EIF4A3: variants seen among roughly 807,000 people sequenced by gnomAD.
The protein encoded by EIF4A3 is eukaryotic initiation factor 4A-III.
In EIF4A3, 1 loss-of-function variant was observed where a neutral mutation model predicts 55.6. That is an observed-to-expected ratio of 0.02 (90% CI 0.01 to 0.09). The LOEUF is 0.09. EIF4A3 is among the 10% of genes least tolerant of loss of function. The pLI, the probability that EIF4A3 is intolerant of heterozygous loss-of-function variation, is 1.00. For synonymous variants in EIF4A3, 194 were observed against 196.3 expected (o/e 0.99, Z 0.10); for missense variants, 221 against 540.7 (o/e 0.41, Z 5.86).
chr17:80,141,890 G>C lies in EIF4A3; in HGVS notation c.243-42C>G, dbSNP rs2039621690. 4.5e-6 allele frequency: 7 copies of C among 1,564,522 alleles called. No homozygotes were observed. The African/African-American group carries it at 6.8e-5, about 15-fold the overall frequency. On this transcript the variant is annotated intron_variant, in intron 2 of 11. Coordinates refer to ENST00000649764, the MANE Select transcript of EIF4A3 (RefSeq NM_014740.4). Reference sequence around the variant, plus strand: ...AAGCAGTGGGATTAGAGGGAGGACAGGCCACGCCACAGCTGCACTCCAAGG... The same window carrying C: ...AAGCAGTGGGATTAGAGGGAGGACACGCCACGCCACAGCTGCACTCCAAGG...
chr17:80,141,606 C>T, intron 3 of EIF4A3, 176 bp downstream of exon 3: 5 of 735,292 alleles, frequency 6.8e-6, no homozygotes, highest in Admixed American at 2.9e-5. Context: ...AATAGAAAAT[C>T]ATGACAGAAT....
chr17:80,146,695 G>C, intron 1 of EIF4A3, 98 bp downstream of exon 1: 1 of 1,407,092 alleles, frequency 7.1e-7, no homozygotes, highest in East Asian at 2.7e-5. Flanking sequence ...ACGACCTCCG[G>C]AGCGCAGGGC....
At chr17:80,141,661 T>C in intron 3 of EIF4A3, 121 bp downstream of exon 3, 1 of 960,064 alleles carries the variant, frequency 1.0e-6, no homozygotes, top group Non-Finnish European at 1.5e-6. Flanking sequence ...GTGTAAAAAT[T>C]TGCTGAGTCA....
At chr17:80,144,053 G>C (rs2144001092) in intron 2 of EIF4A3, 119 bp downstream of exon 2, 1 of 939,984 alleles carries the variant, frequency 1.1e-6, no homozygotes, top group Non-Finnish European at 1.7e-6. Flanking sequence ...GCTAAAGTCA[G>C]GGAAAGTGTT....
At chr17:80,140,370 G>A (rs1438750995) in intron 4 of EIF4A3, 2 of 387,348 alleles carry the variant, frequency 5.2e-6, no homozygotes, top group Non-Finnish European at 8.7e-6. Context: ...CTGGGGGGCA[G>A]CAGCGCAATC....
Position 80,134,522 on chromosome 17 carries a change from A to C in EIF4A3, c.*968T>G, listed in dbSNP as rs909665504. Among the ~76,000 whole-genome samples the C allele has an allele frequency of 1.3e-5, 2 of 151,732 alleles. No homozygotes were observed. Among genetic ancestry groups the C allele is most frequent in the African/African-American group, 4.8e-5 (2 of 41,254 alleles). On this transcript the variant is annotated 3_prime_UTR_variant, in exon 12 of 12. Coordinates refer to ENST00000649764, the MANE Select transcript of EIF4A3 (RefSeq NM_014740.4). ...CTGGGCTCTCAAAAAAACAACAAAA[A>C]AAAAAAATTAGAAAAATGAGGCCAG... is the stretch of plus-strand genomic sequence containing the variant.
intron 11 of EIF4A3, 200 bp from the exon 12 acceptor site, chr17:80,135,706 G>A (rs1262355085): frequency 4.9e-6 from 3 of 616,816 alleles, no homozygotes; most frequent in Non-Finnish European, 8.6e-6. Flanking sequence ...GACCAGCCTG[G>A]CCAACATGGT....
intron 3 of EIF4A3, 151 bp from the exon 4 acceptor site, chr17:80,141,532 G>C (rs2039618884): frequency 1.1e-6 from 1 of 931,050 alleles, no homozygotes; most frequent in African/African-American, 1.7e-5. Context: ...CATTTAAATT[G>C]CAAATCCAAC....
At chr17:80,143,506 G>A (rs983723130) in intron 2 of EIF4A3, among the ~76,000 whole-genome samples, 4 of 152,196 alleles carry the variant, frequency 2.6e-5, no homozygotes, top group African/African-American at 9.7e-5. Flanking sequence ...GGTGGTGTGA[G>A]TTGAACTGGA....
At chr17:80,146,031 A>C (rs1189504178) in intron 1 of EIF4A3, among the ~76,000 whole-genome samples, 1 of 152,130 alleles carries the variant, frequency 6.6e-6, no homozygotes, top group African/African-American at 2.4e-5. Context: ...ATCGTGTCAC[A>C]TAGCTACTTA....
chr17:80,135,947 AAACT>A, intron 11 of EIF4A3, 53 bp downstream of exon 11: 1 of 1,568,274 alleles, frequency 6.4e-7, no homozygotes, highest in Admixed American at 2.0e-5. Context: ...CAGGTGCCCC[AAACT>A]AAGAATAGGG....
At position 80,143,005 on chromosome 17, in the gene EIF4A3, A is replaced by G. The variant is rs148655757; in HGVS notation, c.243-1157T>C. Among the ~76,000 whole-genome samples, 349 of 152,276 alleles carry G rather than the reference A, an allele frequency of 2.3e-3. 2 individuals are homozygous for G. Among genetic ancestry groups the G allele is most frequent in the African/African-American group, 8.0e-3 (332 of 41,544 alleles). On this transcript the variant is annotated intron_variant, in intron 2 of 11. Coordinates refer to ENST00000649764, the MANE Select transcript of EIF4A3 (RefSeq NM_014740.4). ...ACACGACTGCACTCCAGTCTGGGAG[A>G]CAGAGTAAGACCCTGTCTCGAAAAA...
At position 80,135,667 on chromosome 17, in the gene EIF4A3, G is replaced by A. The variant is rs567142373; in HGVS notation, c.1220-161C>T. ...TCCCAGCACTTTGGGAGGCTGAGGTGGGCAGATCATTTGAGGCCAGGAGTT... is the reference window on the plus strand; with the variant it reads ...TCCCAGCACTTTGGGAGGCTGAGGTAGGCAGATCATTTGAGGCCAGGAGTT... On this transcript the variant is annotated intron_variant, in intron 11 of 11. Transcript: ENST00000649764. The A allele has an allele frequency of 2.6e-5, 17 of 664,684 alleles. 1 individual carries two copies. Among genetic ancestry groups the A allele is most frequent in the Admixed American group, 1.5e-4 (5 of 32,650 alleles). The allele number at this position is 664,684 out of a possible 1,614,324, so 41.2% of individuals were successfully genotyped here.
intron 9 of EIF4A3, 56 bp from the exon 10 acceptor site, chr17:80,136,391 G>A: frequency 2.8e-6 from 4 of 1,421,504 alleles, no homozygotes; most frequent in Non-Finnish European, 3.9e-6. Flanking sequence ...GTGTAAGACT[G>A]GACTTGCTTC....
In EIF4A3 at chr17:80,146,775, C is replaced by T; in HGVS notation, c.169+18G>A. ...CCGACTCGCCCCCGGCTGGCCCCCG[C>T]GGCCCGCGCCCGCTCACCGTAAGCG... On this transcript the variant is annotated intron_variant, in intron 1 of 11. Coordinates refer to ENST00000649764, the MANE Select transcript of EIF4A3 (RefSeq NM_014740.4). 6.2e-7 allele frequency: 1 copy of T among 1,600,670 alleles called. No homozygotes were observed. The highest frequency in any genetic ancestry group is 1.3e-5 in the African/African-American group (1 of 74,148).
At chr17:80,135,978 T>C (rs371730239) in intron 11 of EIF4A3, 26 bp downstream of exon 11, 4 of 1,607,416 alleles carry the variant, frequency 2.5e-6, no homozygotes, top group Non-Finnish European at 3.4e-6. Flanking sequence ...CCTCTACAAT[T>C]ACAGTAGAGC....
chr17:80,135,162 GAAAAAGAAAAGAA>G lies in EIF4A3; in HGVS notation c.*315_*327del, dbSNP rs1472841391. 2 of 237,640 alleles carry G rather than the reference GAAAAAGAAAAGAA, an allele frequency of 8.4e-6. No homozygotes were observed. Among genetic ancestry groups the G allele is most frequent in the Non-Finnish European group, 8.0e-6 (1 of 124,682 alleles). 14.7% of individuals were successfully genotyped at this position (237,640 alleles called of 1,614,324 possible). A position where few individuals can be genotyped will look rare whatever the true frequency, so the allele number is the denominator to read the frequency against. On this transcript the variant is annotated 3_prime_UTR_variant, in exon 12 of 12. Coordinates refer to ENST00000649764, the MANE Select transcript of EIF4A3 (RefSeq NM_014740.4). ...GGGAGACTGTCTCAAAAAAAAAAAA[GAAAAAGAAAAGAA>G]AAAAAGAAAAGTGAGTGAAATGACC...
At chr17:80,138,933 G>A in intron 7 of EIF4A3, 88 bp downstream of exon 7, 1 of 1,543,330 alleles carries the variant, frequency 6.5e-7, no homozygotes, top group South Asian at 1.2e-5. Context: ...GCCAGACTCT[G>A]GCTATAAAAA....
intron 2 of EIF4A3, 27 bp from the exon 3 acceptor site, chr17:80,141,875 A>AT: frequency 6.2e-7 from 1 of 1,609,026 alleles, no homozygotes; most frequent in Non-Finnish European, 8.5e-7. Flanking sequence ...AAGCAGTGGG[A>AT]TTAGAGGGAG....
Sources: allele counts gnomAD v4.1 joint callset (sites outside exome capture counted in the v4.1 genomes callset), GRCh38; gene constraint gnomAD v4.1.1; transcripts MANE v1.5; gene names NCBI Gene and HGNC (gene_info 2026-07-23, HGNC 2026-07-21).